The following WWTR1 variants were observed in gnomAD, a reference collection of about 807,000 sequenced individuals.
The protein encoded by WWTR1 is WW domain containing transcription regulator 1, also known as WW domain-containing transcription regulator protein 1.
WWTR1 carries 13 observed loss-of-function variants against 40.1 expected under a neutral mutation model. That is an observed-to-expected ratio of 0.32 (90% CI 0.21 to 0.52). WWTR1 has a LOEUF of 0.52. Ranked by LOEUF, WWTR1 falls within the 20% of genes least tolerant of loss-of-function variation. The pLI is 0.97. For missense variants in WWTR1, 436 were observed against 523.1 expected (o/e 0.83, Z 1.63); for synonymous variants, 230 against 210.1 (o/e 1.09, Z -0.82).
intron 2 of WWTR1, among the ~76,000 whole-genome samples, chr3:149,622,289 T>A (rs187957342): frequency 6.6e-6 from 1 of 152,092 alleles, no homozygotes. Context: ...ATTTGAAAGA[T>A]ACACTTTGTT....
chr3:149,711,241 T>C (rs1023880962), intron 5 of WWTR1, among the ~76,000 whole-genome samples: 1 of 151,708 alleles, frequency 6.6e-6, no homozygotes, highest in African/African-American at 2.4e-5. Flanking sequence ...CAAGGTGGCT[T>C]GAGCCCAGAA....
At chr3:149,640,426 T>G (rs139033020) in intron 2 of WWTR1, among the ~76,000 whole-genome samples, 146 of 151,496 alleles carry the variant, frequency 9.6e-4, no homozygotes, top group African/African-American at 3.4e-3. Flanking sequence ...ATTGGTTTTG[T>G]TTTTGTTTTT....
intron 1 of WWTR1, among the ~76,000 whole-genome samples, chr3:149,690,687 C>G (rs1305825919): frequency 6.6e-6 from 1 of 152,136 alleles, no homozygotes; most frequent in East Asian, 1.9e-4. Context: ...TAGCACCCTG[C>G]TTTTAGCATT....
At chr3:149,543,111 C>G (rs1448009535) in intron 3 of WWTR1, among the ~76,000 whole-genome samples, 1 of 152,080 alleles carries the variant, frequency 6.6e-6, no homozygotes, top group Non-Finnish European at 1.5e-5. Flanking sequence ...AACTCAGGAA[C>G]AAATATCTGA....
At chr3:149,645,105 A>G (rs1349368602) in intron 2 of WWTR1, among the ~76,000 whole-genome samples, 1 of 146,972 alleles carries the variant, frequency 6.8e-6, no homozygotes, top group Non-Finnish European at 1.5e-5. Context: ...TTTGAGACGG[A>G]GTCTCGATCT....
At chr3:149,648,177 A>G (rs1037898803) in intron 2 of WWTR1, among the ~76,000 whole-genome samples, 3 of 152,210 alleles carry the variant, frequency 2.0e-5, no homozygotes, top group African/African-American at 4.8e-5. Context: ...TGCATTTAGT[A>G]TCTGGAGCTC....
rs1447157608 is a variant in WWTR1 at position 149,656,797 on chromosome 3, A to T, written c.431+79T>A. The T allele has an allele frequency of 1.3e-3, 1,637 of 1,252,884 alleles. 21 individuals carry two copies. In the African/African-American group the frequency reaches 0.022, roughly 17 times the overall value. The allele number at this position is 1,252,884 out of a possible 1,614,324, so 77.6% of individuals were successfully genotyped here. ...CTCTCTCTCTCTCTCTCTCTCACACACACACACACACACACACGAACACAC... is the reference window on the plus strand; with the variant it reads ...CTCTCTCTCTCTCTCTCTCTCACACTCACACACACACACACACGAACACAC... On this transcript the variant is annotated intron_variant, in intron 2 of 6. Transcript: ENST00000360632.
rs1335104243 is a variant in WWTR1 at position 149,567,661 on chromosome 3, T to C, written c.568+5203A>G. 3.9e-5 allele frequency among the ~76,000 whole-genome samples: 6 copies of C among 152,120 alleles called. No homozygotes were observed. The East Asian group carries it at 7.7e-4, about 20-fold the overall frequency. On this transcript the variant is annotated intron_variant, in intron 3 of 6. Coordinates refer to ENST00000360632, the MANE Select transcript of WWTR1 (RefSeq NM_015472.6). ...AAATGAGGCAACTGGCTAACAATAA[T>C]AGCTATAACAATACAAGTGCTGGCA...
At chr3:149,647,833 G>A (rs367963343) in intron 2 of WWTR1, among the ~76,000 whole-genome samples, 9 of 152,190 alleles carry the variant, frequency 5.9e-5, no homozygotes, top group African/African-American at 1.9e-4. Flanking sequence ...GCTAGGACTC[G>A]TGTATCTCAA....
chr3:149,603,542 G>T (rs574829483), intron 2 of WWTR1, among the ~76,000 whole-genome samples: 7 of 134,934 alleles, frequency 5.2e-5, no homozygotes, highest in Non-Finnish European at 7.4e-5. Flanking sequence ...TAGTTACAAA[G>T]GTTCCCCACC....
chr3:149,533,155 C>G (rs1013543790), intron 4 of WWTR1, among the ~76,000 whole-genome samples: 2 of 152,196 alleles, frequency 1.3e-5, no homozygotes, highest in Non-Finnish European at 2.9e-5. Context: ...TCCAAACAAA[C>G]CTTCAGTTTC....
At chr3:149,690,682 C>G (rs971491148) in intron 1 of WWTR1, among the ~76,000 whole-genome samples, 1 of 152,118 alleles carries the variant, frequency 6.6e-6, no homozygotes, top group Non-Finnish European at 1.5e-5. Flanking sequence ...GACTTTAGCA[C>G]CCTGCTTTTA....
chr3:149,580,522 A>C (rs1198282195), intron 2 of WWTR1, among the ~76,000 whole-genome samples: 1 of 152,240 alleles, frequency 6.6e-6, no homozygotes, highest in Non-Finnish European at 1.5e-5. Context: ...TGACAGTAGA[A>C]GCCCCATCGC....
chr3:149,541,313 T>C (rs923566506), intron 4 of WWTR1, among the ~76,000 whole-genome samples: 1 of 152,218 alleles, frequency 6.6e-6, no homozygotes, highest in Non-Finnish European at 1.5e-5. Context: ...TGGGTTCTTT[T>C]AGGAATTCTC....
At chr3:149,523,114 G>A (rs553639042) in intron 6 of WWTR1, among the ~76,000 whole-genome samples, 2 of 151,908 alleles carry the variant, frequency 1.3e-5, no homozygotes, top group South Asian at 4.2e-4. Flanking sequence ...AGGATGGAAG[G>A]CATGAGGATA....
At chr3:149,522,168 G>A (rs769942924) in intron 6 of WWTR1, among the ~76,000 whole-genome samples, 4 of 152,088 alleles carry the variant, frequency 2.6e-5, no homozygotes, top group East Asian at 1.9e-4. Context: ...CCACCATAAC[G>A]TCATTTTTTA....
At chr3:149,569,724 C>A (rs1024950663) in intron 3 of WWTR1, among the ~76,000 whole-genome samples, 2 of 152,230 alleles carry the variant, frequency 1.3e-5, no homozygotes, top group African/African-American at 4.8e-5. Flanking sequence ...AAATGCCTTG[C>A]ATTAAAGAAG....
At chr3:149,552,914 A>G (rs149543457) in intron 3 of WWTR1, among the ~76,000 whole-genome samples, 3 of 152,100 alleles carry the variant, frequency 2.0e-5, no homozygotes. Flanking sequence ...TCTCTAAATC[A>G]TCTTGGTCTT....
intron 2 of WWTR1, among the ~76,000 whole-genome samples, chr3:149,628,463 C>T (rs1336822828): frequency 6.6e-6 from 1 of 151,732 alleles, no homozygotes; most frequent in Non-Finnish European, 1.5e-5. Context: ...ACAAATACTG[C>T]TCTAGGAAAC....
Sources: gnomAD v4.1 joint callset for allele counts (sites outside exome capture counted in the v4.1 genomes callset) on GRCh38, gnomAD v4.1.1 for gene constraint, MANE v1.5 for transcripts, NCBI Gene and HGNC (gene_info 2026-07-23, HGNC 2026-07-21) for gene names.